EEPD1: variants seen among roughly 807,000 people sequenced by gnomAD.
EEPD1 encodes endonuclease/exonuclease/phosphatase family domain-containing protein 1.
In EEPD1, 17 loss-of-function variants were observed where a neutral mutation model predicts 46.3. The observed-to-expected ratio is 0.37, with a 90% CI of 0.25 to 0.55. The LOEUF (loss-of-function observed/expected upper bound fraction) is 0.55. Among genes scored for constraint, EEPD1 ranks in the 20% least tolerant of loss-of-function variants. The pLI is 0.83. For synonymous variants in EEPD1, 313 were observed against 315.6 expected, an observed-to-expected ratio of 0.99 and a Z score of 0.09; for missense variants, 673 against 745.6, an observed-to-expected ratio of 0.90 and a Z score of 1.13.
At position 36,219,804 on chromosome 7, in the gene EEPD1, AGAGTGTGTGTGT is replaced by A. The variant is rs1457002302; in HGVS notation, c.879-19179_879-19168del. On this transcript the variant is annotated intron_variant, in intron 2 of 7. Transcript: ENST00000242108. ...GAGAGAGAGAGAGAGAGAGAGAGAG[AGAGTGTGTGTGT>A]GTGTGTGTGTGTGTGTGTGTGTGTT... Among the ~76,000 whole-genome samples, 22 of 87,664 alleles carry A rather than the reference AGAGTGTGTGTGT, an allele frequency of 2.5e-4. No homozygotes were observed. In the East Asian group the frequency reaches 4.3e-3, roughly 17 times the overall value. 57.5% of individuals were successfully genotyped at this position (87,664 alleles called of 152,430 possible).
intron 3 of EEPD1, among the ~76,000 whole-genome samples, chr7:36,267,827 G>A (rs915241330): frequency 9.9e-5 from 15 of 152,214 alleles, no homozygotes; most frequent in Non-Finnish European, 2.1e-4. Context: ...TGGAGGTAGA[G>A]TCCTTGGGAG....
intron 3 of EEPD1, among the ~76,000 whole-genome samples, chr7:36,242,229 T>C (rs1450957192): frequency 6.6e-6 from 1 of 152,226 alleles, no homozygotes; most frequent in Non-Finnish European, 1.5e-5. Flanking sequence ...TGCAACACTG[T>C]GCCTGGTACT....
chr7:36,167,019 TC>T, intron 2 of EEPD1, among the ~76,000 whole-genome samples: 1 of 152,130 alleles, frequency 6.6e-6, no homozygotes, highest in Non-Finnish European at 1.5e-5. Flanking sequence ...TTTTTCTCAG[TC>T]CCCTTTCCCT....
chr7:36,242,870 A>G (rs918470342), intron 3 of EEPD1, among the ~76,000 whole-genome samples: 4 of 151,726 alleles, frequency 2.6e-5, no homozygotes, highest in Non-Finnish European at 5.9e-5. Context: ...TGGAGGTTGC[A>G]GTGAGCCGAG....
Position 36,203,163 on chromosome 7 carries a change from G to A in EEPD1, c.879-35822G>A, listed in dbSNP as rs58383684. On this transcript the variant is annotated intron_variant, in intron 2 of 7. Transcript: ENST00000242108. ...ATGCCCCCTTTTTGCATGGTAAGTG[G>A]TGCTCATGACAGTGCTGCTCCTCGT... is the stretch of plus-strand genomic sequence containing the variant. Among the ~76,000 whole-genome samples, 832 of 152,296 alleles carry A rather than the reference G, an allele frequency of 5.5e-3. 19 individuals are homozygous for A. Among genetic ancestry groups the A allele is most frequent in the East Asian group, 0.03 (156 of 5,178 alleles).
chr7:36,260,429 G>A (rs1289382105), intron 3 of EEPD1, among the ~76,000 whole-genome samples: 1 of 152,200 alleles, frequency 6.6e-6, no homozygotes, highest in African/African-American at 2.4e-5. Context: ...TTCTGGCAAT[G>A]AGTGATTTTT....
chr7:36,231,314 C>T (rs1194451999), intron 2 of EEPD1, among the ~76,000 whole-genome samples: 3 of 152,222 alleles, frequency 2.0e-5, no homozygotes, highest in Non-Finnish European at 2.9e-5. Flanking sequence ...CTCATCCTGA[C>T]TTCAGAACTT....
chr7:36,196,796 C>A (rs1180677267), intron 2 of EEPD1, among the ~76,000 whole-genome samples: 1 of 152,204 alleles, frequency 6.6e-6, no homozygotes, highest in East Asian at 1.9e-4. Context: ...CCTTGGCCCC[C>A]CAAAGTGCGA....
intron 2 of EEPD1, among the ~76,000 whole-genome samples, chr7:36,176,062 G>A (rs923710814): frequency 3.9e-5 from 6 of 152,152 alleles, no homozygotes; most frequent in East Asian, 1.9e-4. Flanking sequence ...GAGGCCCAGG[G>A]AACCCTCGCC....
At chr7:36,251,802 A>C (rs1786742891) in intron 3 of EEPD1, among the ~76,000 whole-genome samples, 1 of 152,250 alleles carries the variant, frequency 6.6e-6, no homozygotes, top group South Asian at 2.1e-4. Context: ...TCTAGTATTA[A>C]AAAGTATTAT....
intron 2 of EEPD1, among the ~76,000 whole-genome samples, chr7:36,213,820 T>G (rs907034263): frequency 6.6e-5 from 10 of 152,190 alleles, no homozygotes; most frequent in Admixed American, 1.3e-4. Context: ...CCCCGGATTG[T>G]CGGCTCCACA....
Position 36,154,349 on chromosome 7 carries a change from C to A in EEPD1, c.25C>A (p.Arg9Ser). The A allele has an allele frequency of 6.2e-7, 1 of 1,611,736 alleles. No individual in the cohort carries two copies. Among genetic ancestry groups the A allele is most frequent in the South Asian group, 1.1e-5 (1 of 91,084 alleles). ...CATGGGGAGCACCCTGGGCTGCCAC[C>A]GCTCCATCCCCAGGGACCCCTCGGA... is the stretch of plus-strand genomic sequence containing the variant. MGSTLGCHRSIPRDPSDLS... is the reference protein window; with the variant it reads MGSTLGCHSSIPRDPSDLS... Residue 9 changes from arginine (R) to serine (S), a missense_variant, in exon 2 of 8, where the codon CGC becomes AGC. Physicochemically the swap from Arg to Ser is moderately radical, Grantham distance 110. Transcript: ENST00000242108. The surrounding 1 kb of genome is among the most constrained non-coding windows in gnomAD (Gnocchi z 4.2).
In EEPD1 at chr7:36,163,599, G is replaced by T. The variant is rs372326572; in HGVS notation, c.878+8397G>T. 4.6e-5 allele frequency among the ~76,000 whole-genome samples: 7 copies of T among 152,272 alleles called. No homozygotes were observed. In the East Asian group the frequency reaches 1.2e-3, roughly 25 times the overall value. On this transcript the variant is annotated intron_variant, in intron 2 of 7. Coordinates refer to ENST00000242108, the MANE Select transcript of EEPD1 (RefSeq NM_030636.3). ...GATGATAAAAAGCTCTTCTGTTCAG[G>T]CTGGGCGCGGTGGCTCATGCCTGTA... is the stretch of plus-strand genomic sequence containing the variant.
chr7:36,299,785 GC>G lies in EEPD1; in HGVS notation c.*585del, dbSNP rs1211889821. 1.8e-5 allele frequency: 1 copy of G among 56,824 alleles called. No individual in the cohort carries two copies. Among genetic ancestry groups the G allele is most frequent in the East Asian group, 1.1e-3 (1 of 928 alleles). 3.5% of individuals were successfully genotyped at this position (56,824 alleles called of 1,614,324 possible). The stretch of plus-strand genomic sequence containing the variant: ...CAGCCCTCCCCCGCCCCCTTCCCCC[GC>G]CCCCCAACGCGCAGTGTGTATTTGC... On this transcript the variant is annotated 3_prime_UTR_variant, in exon 8 of 8. Transcript: ENST00000242108.
Position 36,154,264 on chromosome 7 carries a change from C to A in EEPD1, c.-61C>A, listed in dbSNP as rs1021855036. On this transcript the variant is annotated 5_prime_UTR_variant, in exon 2 of 8. Coordinates refer to ENST00000242108, the MANE Select transcript of EEPD1 (RefSeq NM_030636.3). The surrounding 1 kb of genome is among the most constrained non-coding windows in gnomAD (Gnocchi z 4.2). ...CTTGTACGGCCTACTGGGCTTCCTC[C>A]CTAGCCAGAGAGCTCTTCTGCAGTG... 2.6e-6 allele frequency: 4 copies of A among 1,533,944 alleles called. No individual in the cohort carries two copies. The South Asian group carries it at 3.7e-5, about 14-fold the overall frequency.
chr7:36,271,132 G>A (rs1401913178), intron 3 of EEPD1, among the ~76,000 whole-genome samples: 7 of 151,808 alleles, frequency 4.6e-5, no homozygotes, highest in Admixed American at 2.0e-4. Context: ...GATTACAGGC[G>A]CCCGCCACCA....
chr7:36,250,030 G>GC (rs1786708994), intron 3 of EEPD1, among the ~76,000 whole-genome samples: 1 of 152,094 alleles, frequency 6.6e-6, no homozygotes, highest in Admixed American at 6.5e-5. Flanking sequence ...ACCAGCCTGG[G>GC]CAACATAGTG....
Position 36,287,728 on chromosome 7 carries a change from T to A in EEPD1, c.1266T>A (p.Asp422Glu). Residue 422 changes from aspartate to glutamate, a missense_variant, in exon 6 of 8, where the codon GAT (aspartate) becomes GAA (glutamate). Asp to Glu is a conservative substitution (Grantham distance 45, BLOSUM62 2). Coordinates refer to ENST00000242108, the MANE Select transcript of EEPD1 (RefSeq NM_030636.3). ...AGAATCCCAGCAAGAATCACAGTGA[T>A]GGCCACCGGTTGGCGAGCTTTGCAC... ...GSENPSKNHS[D>E]GHRLASFAQT... 6.2e-7 allele frequency: 1 copy of A among 1,614,186 alleles called. No individual in the cohort carries two copies. Among genetic ancestry groups the A allele is most frequent in the Middle Eastern group, 1.6e-4 (1 of 6,062 alleles).
At chr7:36,180,728 C>G (rs1238644307) in intron 2 of EEPD1, among the ~76,000 whole-genome samples, 2 of 152,186 alleles carry the variant, frequency 1.3e-5, no homozygotes, top group African/African-American at 4.8e-5. Flanking sequence ...CTCTGGGAAG[C>G]TGGTTCCAAT....
Sources: allele counts gnomAD v4.1 joint callset (sites outside exome capture counted in the v4.1 genomes callset), GRCh38; gene constraint gnomAD v4.1.1; non-coding constraint Gnocchi (gnomAD v3.1); transcripts MANE v1.5; gene names NCBI Gene and HGNC (gene_info 2026-07-23, HGNC 2026-07-21).